Variants in FCRL5 observed in about 807,000 individuals in gnomAD.
FCRL5 encodes the protein Fc receptor like 5.
FCRL5 carries 79 observed loss-of-function variants against 92.1 expected under a neutral mutation model. That is an observed-to-expected ratio of 0.86 (90% CI 0.72 to 1.03). The LOEUF is 1.03. Among genes scored for constraint, FCRL5 ranks in the 50% least tolerant of loss-of-function variants. The pLI is 0.00. For synonymous variants in FCRL5, 466 were observed against 469.3 expected (o/e 0.99, Z 0.09); for missense variants, 1,160 against 1,181.1 (o/e 0.98, Z 0.26).
At chr1:157,523,392 T>C (rs1650288101) in intron 10 of FCRL5, among the ~76,000 whole-genome samples, 1 of 152,244 alleles carries the variant, frequency 6.6e-6, no homozygotes. Context: ...AGGATGATCA[T>C]GATTTTCATC....
intron 8 of FCRL5, chr1:157,528,221 C>T (rs1650526076): frequency 5.5e-6 from 1 of 180,582 alleles, no homozygotes; most frequent in African/African-American, 2.3e-5. Context: ...TTTATGACAC[C>T]TACAAAAATA....
chr1:157,547,057 C>G lies in FCRL5; in HGVS notation c.193G>C (p.Glu65Gln), dbSNP rs763898152. 4 of 1,614,204 alleles carry G rather than the reference C, an allele frequency of 2.5e-6. No homozygotes were observed. The Admixed American group carries it at 5.0e-5, about 20-fold the overall frequency. Residue 65 changes from glutamate to glutamine, a missense_variant, in exon 3 of 17, where the codon GAA becomes CAA. By Grantham distance (29) the Glu-to-Gln change is conservative. Transcript: ENST00000361835. ...TKWYHRYLGK[E>Q]ILRETPDNIL... ...TTGTCTGGGGTTTCTCTTAGTATTT[C>G]TTTCCCAAGGTACCGATGGTACCAT...
chr1:157,550,098 G>A (rs1002213255), intron 1 of FCRL5, among the ~76,000 whole-genome samples: 12 of 152,056 alleles, frequency 7.9e-5, no homozygotes, highest in Admixed American at 2.6e-4. Context: ...GGTAAGAGGC[G>A]ATTTCTACCT....
rs1264181797 is a variant in FCRL5, at chr1:157,518,799, T to A, written c.2661-17A>T. 3 of 1,596,384 alleles carry A rather than the reference T, an allele frequency of 1.9e-6. No individual in the cohort carries two copies. Among genetic ancestry groups the A allele is most frequent in the Non-Finnish European group, 2.6e-6 (3 of 1,167,944 alleles). On this transcript the variant is annotated splice_polypyrimidine_tract_variant and intron_variant, in intron 13 of 16. Coordinates refer to ENST00000361835, the MANE Select transcript of FCRL5 (RefSeq NM_031281.3). Reference sequence around the variant, plus strand: ...GAAGGGCTCCTGTGAGACAGAGAAATGTGAATGTTTCTTAGGAATCCAGAC... The same window carrying A: ...GAAGGGCTCCTGTGAGACAGAGAAAAGTGAATGTTTCTTAGGAATCCAGAC...
At chr1:157,528,048 G>T (rs1019784620) in intron 8 of FCRL5, 153 bp from the exon 9 acceptor site, 22 of 846,120 alleles carry the variant, frequency 2.6e-5, no homozygotes, top group Non-Finnish European at 3.6e-5. Flanking sequence ...CTGATGACAT[G>T]ATTGTATACC....
At chr1:157,546,341 G>C (rs977854249) in intron 3 of FCRL5, 2 of 393,484 alleles carry the variant, frequency 5.1e-6, no homozygotes, top group African/African-American at 4.2e-5. Flanking sequence ...CTACTTACTA[G>C]GGATACCGAG....
chr1:157,537,730 G>T (rs1188668617), intron 7 of FCRL5, among the ~76,000 whole-genome samples: 8 of 152,126 alleles, frequency 5.3e-5, no homozygotes, highest in Non-Finnish European at 1.0e-4. Context: ...CTTTAAAATT[G>T]TTCTCTTTTG....
chr1:157,544,265 G>T lies in FCRL5; in HGVS notation c.841C>A (p.Gln281Lys). The T allele has an allele frequency of 6.2e-7, 1 of 1,613,958 alleles. No homozygotes were observed. Residue 281 changes from glutamine to lysine, a missense_variant, in exon 5 of 17, where the codon CAG (glutamine) becomes AAG (lysine). Transcript: ENST00000361835. The stretch of plus-strand genomic sequence containing the variant: ...CTCAGGTTCCACCAACACTTACTCT[G>T]CACCTGTATCCAGGATCTCGGGCTG... ...SDSPRSWIQV[Q>K]IPASHPVLTL... is the part of the protein sequence containing the mutation.
intron 6 of FCRL5, among the ~76,000 whole-genome samples, chr1:157,540,393 C>T (rs1651202198): frequency 6.6e-6 from 1 of 152,168 alleles, no homozygotes; most frequent in African/African-American, 2.4e-5. Flanking sequence ...AGGAGCCCTC[C>T]TTGGCCTGCC....
intron 6 of FCRL5, among the ~76,000 whole-genome samples, chr1:157,540,796 A>G (rs1442548876): frequency 2.0e-5 from 3 of 152,206 alleles, no homozygotes; most frequent in East Asian, 1.9e-4. Context: ...GTTTGTTATA[A>G]TGACACTATA....
intron 7 of FCRL5, 128 bp downstream of exon 7, chr1:157,538,958 G>A (rs748944791): frequency 1.1e-5 from 11 of 1,039,780 alleles, no homozygotes; most frequent in African/African-American, 3.1e-5. Flanking sequence ...CTAGAGAGTG[G>A]AGGAGGATAT....
intron 8 of FCRL5, among the ~76,000 whole-genome samples, chr1:157,530,135 CACAT>C (rs1175704583): frequency 6.6e-6 from 1 of 152,122 alleles, no homozygotes; most frequent in Non-Finnish European, 1.5e-5. Flanking sequence ...CACTCATAGA[CACAT>C]AAATAAATAC....
chr1:157,548,342 C>A (rs1403693248), intron 2 of FCRL5, among the ~76,000 whole-genome samples: 1 of 152,148 alleles, frequency 6.6e-6, no homozygotes, highest in African/African-American at 2.4e-5. Context: ...TTTAAGAAAA[C>A]CTAGGCAATA....
At chr1:157,534,191 G>C in intron 8 of FCRL5, 1 of 462,982 alleles carries the variant, frequency 2.2e-6, no homozygotes, top group South Asian at 2.1e-5. Flanking sequence ...TTGTTCACCA[G>C]CAGCTTTCTC....
rs60618941 is a variant in FCRL5, at chr1:157,546,450, AAAACCAAACCAAACC to A, written c.307+478_307+492del. 3.8e-4 allele frequency among the ~76,000 whole-genome samples: 55 copies of A among 145,126 alleles called. 1 individual carries two copies. Among genetic ancestry groups the A allele is most frequent in the African/African-American group, 5.1e-4 (20 of 39,382 alleles). Reference sequence around the variant, plus strand: ...GTGACAGAGCGAGACTCCATCTCAAAAAACCAAACCAAACCAAACCAAACCAAACCAAACCAAACC... The same window carrying A: ...GTGACAGAGCGAGACTCCATCTCAAAAAACCAAACCAAACCAAACCAAACC... On this transcript the variant is annotated intron_variant, in intron 3 of 16. Transcript: ENST00000361835.
At chr1:157,521,354 G>A (rs1328708218) in intron 10 of FCRL5, 62 bp from the exon 11 acceptor site, 2 of 1,508,808 alleles carry the variant, frequency 1.3e-6, no homozygotes. Context: ...AGAAACAAAA[G>A]GTATCATAAA....
intron 15 of FCRL5, among the ~76,000 whole-genome samples, chr1:157,518,057 A>C (rs1002845710): frequency 1.3e-5 from 2 of 152,136 alleles, no homozygotes; most frequent in African/African-American, 2.4e-5. Context: ...AATTGTGAGA[A>C]ATAGATATTA....
intron 9 of FCRL5, among the ~76,000 whole-genome samples, chr1:157,526,435 G>T (rs73011540): frequency 0.066 from 10,003 of 152,160 alleles, 843 homozygotes; most frequent in African/African-American, 0.19. Flanking sequence ...GTGTATGGAG[G>T]TATAAGTGGG....
At chr1:157,518,622 C>A in intron 14 of FCRL5, 78 bp downstream of exon 14, 4 of 1,472,288 alleles carry the variant, frequency 2.7e-6, no homozygotes, top group South Asian at 1.2e-5. Context: ...TCGGCATAGT[C>A]CCTCCCCATC....
Sources: gnomAD v4.1 joint callset for allele counts (sites outside exome capture counted in the v4.1 genomes callset) on GRCh38, gnomAD v4.1.1 for gene constraint, MANE v1.5 for transcripts, NCBI Gene and HGNC (gene_info 2026-07-23, HGNC 2026-07-21) for gene names.